IFT81: variants seen among roughly 807,000 people sequenced by gnomAD.
The protein encoded by IFT81 is intraflagellar transport protein 81 homolog.
In IFT81, 72 loss-of-function variants were observed where a neutral mutation model predicts 102.6. That is an observed-to-expected ratio of 0.70 (90% CI 0.58 to 0.85). The LOEUF (loss-of-function observed/expected upper bound fraction) is 0.85. Among genes scored for constraint, IFT81 ranks in the 40% least tolerant of loss-of-function variants. The probability of loss-of-function intolerance (pLI) is 0.00; values close to 1 mark genes in which losing one functional copy is unlikely to be tolerated. For synonymous variants in IFT81, 237 were observed against 242.7 expected (o/e 0.98, Z 0.22); for missense variants, 723 against 787.3 (o/e 0.92, Z 0.98).
intron 11 of IFT81, among the ~76,000 whole-genome samples, chr12:110,174,420 A>G (rs1284540106): frequency 6.7e-6 from 1 of 148,966 alleles, no homozygotes; most frequent in Non-Finnish European, 1.5e-5. Flanking sequence ...GCACCATTGC[A>G]TTCCAGCCTG....
intron 17 of IFT81, among the ~76,000 whole-genome samples, chr12:110,205,894 G>A (rs551185045): frequency 6.6e-6 from 1 of 152,216 alleles, no homozygotes; most frequent in African/African-American, 2.4e-5. Flanking sequence ...TTTTGATTGT[G>A]ATAAAATATA....
intron 1 of IFT81, among the ~76,000 whole-genome samples, chr12:110,125,241 A>T (rs1566095474): frequency 6.6e-6 from 1 of 152,186 alleles, no homozygotes; most frequent in Non-Finnish European, 1.5e-5. Context: ...TTAAAAAAAA[A>T]CTTACGTAAA....
chr12:110,168,399 A>T (rs368177384), intron 11 of IFT81: 1 of 450,470 alleles, frequency 2.2e-6, no homozygotes, highest in East Asian at 1.6e-4. Flanking sequence ...TGCTTAAACA[A>T]AATGCCATTA....
At chr12:110,160,941 A>G (rs1461295408) in intron 10 of IFT81, among the ~76,000 whole-genome samples, 1 of 152,200 alleles carries the variant, frequency 6.6e-6, no homozygotes, top group African/African-American at 2.4e-5. Context: ...ACAGTAATTA[A>G]ACTATAGTAA....
Position 110,135,314 on chromosome 12 carries a change from T to C in IFT81, c.586-13T>C. ...CCTGACAGTAACATGTACTACTTAT[T>C]CCCTTACTGTAGGTTGAGACAGCTC... On this transcript the variant is annotated splice_polypyrimidine_tract_variant and intron_variant, in intron 6 of 18. Transcript: ENST00000242591. 1 of 1,532,556 alleles carries C rather than the reference T, an allele frequency of 6.5e-7. No homozygotes were observed. Among genetic ancestry groups the C allele is most frequent in the Non-Finnish European group, 8.9e-7 (1 of 1,117,438 alleles). 94.9% of individuals were successfully genotyped at this position (1,532,556 alleles called of 1,614,324 possible).
chr12:110,157,891 C>T (rs1895928779), intron 10 of IFT81, among the ~76,000 whole-genome samples: 1 of 151,936 alleles, frequency 6.6e-6, no homozygotes, highest in African/African-American at 2.4e-5. Flanking sequence ...TTAGGTTTTC[C>T]CTGTATTGGC....
At chr12:110,162,265 T>C (rs997342278) in intron 10 of IFT81, 6 of 151,718 alleles carry the variant, frequency 4.0e-5, no homozygotes, top group Admixed American at 2.0e-4. Context: ...TTACCTTCTA[T>C]TGACTTGAAC....
At chr12:110,163,614 CT>C (rs895090240) in intron 11 of IFT81, among the ~76,000 whole-genome samples, 1,829 of 126,098 alleles carry the variant, frequency 0.015, 9 homozygotes, top group Non-Finnish European at 0.019. Context: ...CAAATTTTCA[CT>C]TTTTTTTTTT....
chr12:110,128,786 C>CAA (rs59756924), intron 3 of IFT81, among the ~76,000 whole-genome samples, 164 bp from the exon 4 acceptor site: 167 of 68,220 alleles, frequency 2.4e-3, no homozygotes, highest in Middle Eastern at 6.9e-3. Flanking sequence ...GACCCTGTCT[C>CAA]AAAAAAAAAA....
At chr12:110,201,763 A>G (rs1898290136) in intron 14 of IFT81, among the ~76,000 whole-genome samples, 1 of 152,054 alleles carries the variant, frequency 6.6e-6, no homozygotes, top group Admixed American at 6.6e-5. Flanking sequence ...CACTTTTTAA[A>G]CTTTTTTGTT....
intron 9 of IFT81, 85 bp downstream of exon 9, chr12:110,143,630 C>A: frequency 2.8e-6 from 3 of 1,079,840 alleles, no homozygotes; most frequent in Non-Finnish European, 3.9e-6. Flanking sequence ...TCTGTAGTAT[C>A]CCACTATTGA....
At chr12:110,190,828 C>A in intron 12 of IFT81, 92 bp from the exon 13 acceptor site, 1 of 1,158,566 alleles carries the variant, frequency 8.6e-7, no homozygotes. Context: ...ATTCTATTTA[C>A]AATTTTTTGT....
chr12:110,134,326 C>T (rs1894357198), intron 5 of IFT81, among the ~76,000 whole-genome samples: 1 of 152,146 alleles, frequency 6.6e-6, no homozygotes, highest in South Asian at 2.1e-4. Context: ...TTTACCTTTA[C>T]TATTACTGCG....
At chr12:110,142,008 G>C (rs1329108646) in intron 8 of IFT81, among the ~76,000 whole-genome samples, 1 of 152,176 alleles carries the variant, frequency 6.6e-6, no homozygotes, top group Admixed American at 6.5e-5. Context: ...CTGAAAATCT[G>C]TGTGTATAGT....
intron 10 of IFT81, among the ~76,000 whole-genome samples, chr12:110,160,144 C>T (rs1045104619): frequency 6.6e-6 from 1 of 152,072 alleles, no homozygotes; most frequent in Non-Finnish European, 1.5e-5. Flanking sequence ...CCTAATCAAC[C>T]ATATATCCTA....
At chr12:110,216,891 C>T (rs1870210137) in intron 18 of IFT81, 1 of 216,982 alleles carries the variant, frequency 4.6e-6, no homozygotes, top group Non-Finnish European at 9.3e-6. Flanking sequence ...ATAGAATATA[C>T]TGATCCTGTT....
intron 9 of IFT81, among the ~76,000 whole-genome samples, chr12:110,144,954 CT>C (rs1895124915): frequency 6.7e-6 from 1 of 148,920 alleles, no homozygotes; most frequent in East Asian, 2.0e-4. Flanking sequence ...CAACCTCCAC[CT>C]TCTGGGTTCA....
Position 110,132,543 on chromosome 12 carries a change from C to G in IFT81, c.430-4C>G. ...GTTTATAATTTCTTAACTTATTCTT[C>G]TAGTATGAAGAGTTAATGGAAGCCT... On this transcript the variant is annotated splice_region_variant and splice_polypyrimidine_tract_variant and intron_variant, in intron 4 of 18. Transcript: ENST00000242591. 1 of 1,283,856 alleles carries G rather than the reference C, an allele frequency of 7.8e-7. No homozygotes were observed. The highest frequency in any genetic ancestry group is 1.1e-6 in the Non-Finnish European group (1 of 908,520). The allele number at this position is 1,283,856 out of a possible 1,614,324, so 79.5% of individuals were successfully genotyped here.
At chr12:110,143,312 TA>T in intron 8 of IFT81, 69 bp from the exon 9 acceptor site, 2 of 924,458 alleles carry the variant, frequency 2.2e-6, no homozygotes, top group Non-Finnish European at 2.9e-6. Flanking sequence ...GTCTTATATT[TA>T]AAATAGTATA....
Sources: gnomAD v4.1 joint callset for allele counts (sites outside exome capture counted in the v4.1 genomes callset) on GRCh38, gnomAD v4.1.1 for gene constraint, MANE v1.5 for transcripts, NCBI Gene and HGNC (gene_info 2026-07-23, HGNC 2026-07-21) for gene names.